ULK4: variants seen among roughly 807,000 people sequenced by gnomAD.
ULK4 encodes unc-51 like kinase 4.
In ULK4, 133 loss-of-function variants were observed where a neutral mutation model predicts 160.6. The ratio of observed to expected loss-of-function variants is 0.83; its 90% confidence interval spans 0.72 to 0.96. ULK4 has a LOEUF of 0.96. Among genes scored for constraint, ULK4 ranks in the 40% least tolerant of loss-of-function variants. ULK4 has a pLI of 0.00. For synonymous variants in ULK4, 534 were observed against 539.8 expected, an observed-to-expected ratio of 0.99 and a Z score of 0.15; for missense variants, 1,580 against 1,499.5, an observed-to-expected ratio of 1.05 and a Z score of -0.89.
chr3:41,591,472 C>T (rs1414735714), intron 31 of ULK4, among the ~76,000 whole-genome samples: 1 of 150,652 alleles, frequency 6.6e-6, no homozygotes, highest in Non-Finnish European at 1.5e-5. Context: ...AAATAAAATA[C>T]ACTACCGATA....
Position 41,808,011 on chromosome 3 carries a change from C to T in ULK4, c.1849-7718G>A, listed in dbSNP as rs553180832. On this transcript the variant is annotated intron_variant, in intron 19 of 36. Coordinates refer to ENST00000301831, the MANE Select transcript of ULK4 (RefSeq NM_017886.4). Reference sequence around the variant, plus strand: ...GCCCACCCACACAGAGTTGTCGTCGCGTATCTCCTAGTTGTAAGCCTTAAC... The same window carrying T: ...GCCCACCCACACAGAGTTGTCGTCGTGTATCTCCTAGTTGTAAGCCTTAAC... Among the ~76,000 whole-genome samples, 18 of 152,294 alleles carry T rather than the reference C, an allele frequency of 1.2e-4. 1 individual carries two copies. The South Asian group carries it at 3.3e-3, about 28-fold the overall frequency.
intron 34 of ULK4, 57 bp from the exon 35 acceptor site, chr3:41,398,321 A>T: frequency 6.4e-7 from 1 of 1,565,506 alleles, no homozygotes; most frequent in South Asian, 1.2e-5. Context: ...TTAGTACTCA[A>T]AAAAAACACA....
At chr3:41,410,159 A>C (rs2082381900) in intron 34 of ULK4, among the ~76,000 whole-genome samples, 1 of 152,292 alleles carries the variant, frequency 6.6e-6, no homozygotes, top group Non-Finnish European at 1.5e-5. Flanking sequence ...CAGATTTACT[A>C]TATGACCCAG....
intron 31 of ULK4, among the ~76,000 whole-genome samples, chr3:41,588,486 G>A (rs1217393777): frequency 6.6e-6 from 1 of 152,122 alleles, no homozygotes; most frequent in Non-Finnish European, 1.5e-5. Context: ...TTTTATCTAT[G>A]GGCAAACTGA....
intron 17 of ULK4, among the ~76,000 whole-genome samples, chr3:41,863,704 T>G (rs1607908): frequency 0.31 from 47,611 of 151,214 alleles, 11,005 homozygotes; most frequent in African/African-American, 0.66. Flanking sequence ...AAGGTAACAG[T>G]TTCCCTTCTG....
At chr3:41,856,512 A>AT (rs2042339374) in intron 17 of ULK4, among the ~76,000 whole-genome samples, 33 of 99,186 alleles carry the variant, frequency 3.3e-4, no homozygotes, top group South Asian at 1.3e-3. Context: ...TAAATAAATA[A>AT]ATATATATAT....
chr3:41,840,786 C>T (rs548152708), intron 17 of ULK4, among the ~76,000 whole-genome samples: 17 of 152,326 alleles, frequency 1.1e-4, no homozygotes, highest in East Asian at 3.9e-4. Flanking sequence ...AGCCTCTGCC[C>T]GGCTGCCACT....
At chr3:41,324,949 G>A (rs2080313082) in intron 35 of ULK4, among the ~76,000 whole-genome samples, 2 of 152,126 alleles carry the variant, frequency 1.3e-5, no homozygotes, top group East Asian at 1.9e-4. Flanking sequence ...TAGGCACCAC[G>A]AGAGTAAAAA....
chr3:41,380,438 G>A (rs1051005189), intron 35 of ULK4, among the ~76,000 whole-genome samples: 2 of 152,134 alleles, frequency 1.3e-5, no homozygotes, highest in Non-Finnish European at 2.9e-5. Context: ...TCCATCTACA[G>A]GCCTTCTTAC....
At chr3:41,736,379 C>T (rs2038050054) in intron 22 of ULK4, among the ~76,000 whole-genome samples, 1 of 151,846 alleles carries the variant, frequency 6.6e-6, no homozygotes, top group Non-Finnish European at 1.5e-5. Flanking sequence ...TTAATGATTG[C>T]CATTCTAACT....
intron 30 of ULK4, among the ~76,000 whole-genome samples, chr3:41,658,737 A>ACACACACACTCTCT (rs1553628732): frequency 1.3e-5 from 2 of 151,062 alleles, no homozygotes; most frequent in African/African-American, 2.4e-5. Flanking sequence ...GTACACACAC[A>ACACACACACTCTCT]CACACACACA....
intron 17 of ULK4, among the ~76,000 whole-genome samples, chr3:41,857,277 C>A (rs990090631): frequency 6.6e-6 from 1 of 152,190 alleles, no homozygotes; most frequent in Admixed American, 6.5e-5. Context: ...CTACTCAAAT[C>A]CCTTGGGTAC....
intron 32 of ULK4, among the ~76,000 whole-genome samples, chr3:41,563,538 T>C (rs564509624): frequency 2.3e-4 from 35 of 152,336 alleles, no homozygotes; most frequent in African/African-American, 7.2e-4. Context: ...CCCATATTTC[T>C]TGGAGGCTTT....
At chr3:41,871,381 A>G (rs1697086643) in intron 17 of ULK4, among the ~76,000 whole-genome samples, 1 of 152,254 alleles carries the variant, frequency 6.6e-6, no homozygotes, top group African/African-American at 2.4e-5. Context: ...GTATATTCAT[A>G]TGGATATGTA....
At chr3:41,366,366 T>G (rs913586337) in intron 35 of ULK4, among the ~76,000 whole-genome samples, 1 of 152,148 alleles carries the variant, frequency 6.6e-6, no homozygotes, top group African/African-American at 2.4e-5. Context: ...AATTTATATA[T>G]TATGATATTG....
chr3:41,546,583 C>A (rs955311145), intron 32 of ULK4, among the ~76,000 whole-genome samples: 1 of 152,024 alleles, frequency 6.6e-6, no homozygotes, highest in African/African-American at 2.4e-5. Context: ...CCAGCCTTCA[C>A]CAAAAACCTG....
chr3:41,731,498 A>G (rs1306316740), intron 22 of ULK4, among the ~76,000 whole-genome samples: 2 of 152,130 alleles, frequency 1.3e-5, no homozygotes, highest in South Asian at 2.1e-4. Context: ...GTAAATGGAA[A>G]GATACTCCAT....
Position 41,905,880 on chromosome 3 carries a change from G to A in ULK4, c.1182+1965C>T, listed in dbSNP as rs28882211. On this transcript the variant is annotated intron_variant, in intron 12 of 36. Transcript: ENST00000301831. ...ATTTGAGGTCAGGAGTTCCAGACTAGCCTGGCCAACATGGTGAAACCTGTC... is the reference window on the plus strand; with the variant it reads ...ATTTGAGGTCAGGAGTTCCAGACTAACCTGGCCAACATGGTGAAACCTGTC... Among the ~76,000 whole-genome samples, 1,166 of 152,130 alleles carry A rather than the reference G, an allele frequency of 7.7e-3. 20 individuals carry two copies. Among genetic ancestry groups the A allele is most frequent in the African/African-American group, 0.026 (1,070 of 41,496 alleles).
At chr3:41,899,789 A>G (rs1158061201) in intron 13 of ULK4, among the ~76,000 whole-genome samples, 1 of 152,254 alleles carries the variant, frequency 6.6e-6, no homozygotes, top group Non-Finnish European at 1.5e-5. Flanking sequence ...CAAACTTAGC[A>G]TAATAAAGTT....
Sources: allele counts gnomAD v4.1 joint callset (sites outside exome capture counted in the v4.1 genomes callset), GRCh38; gene constraint gnomAD v4.1.1; transcripts MANE v1.5; gene names NCBI Gene and HGNC (gene_info 2026-07-23, HGNC 2026-07-21).